Variants in EXOC4 observed in about 807,000 individuals in gnomAD.
EXOC4 encodes the protein exocyst complex component 4, also known as SEC8-like 1.
In EXOC4, 71 loss-of-function variants were observed where a neutral mutation model predicts 107.2. The observed-to-expected ratio is 0.66, with a 90% CI of 0.55 to 0.81. The LOEUF (loss-of-function observed/expected upper bound fraction) is 0.81, where lower values mean the gene tolerates loss of function less well. EXOC4 is among the 30% of genes least tolerant of loss of function. The pLI is 0.00. For missense variants in EXOC4, 1,108 were observed against 1,189.6 expected (o/e 0.93, Z 1.01); for synonymous variants, 456 against 441.2 (o/e 1.03, Z -0.42).
intron 11 of EXOC4, among the ~76,000 whole-genome samples, chr7:133,870,827 G>A (rs2113340): frequency 0.012 from 1,841 of 152,226 alleles, 47 homozygotes; most frequent in African/African-American, 0.042. Context: ...GTGGGTATTC[G>A]GTTTTTCATA....
intron 11 of EXOC4, among the ~76,000 whole-genome samples, chr7:133,822,393 C>T (rs552376449): frequency 3.3e-5 from 5 of 152,122 alleles, no homozygotes; most frequent in African/African-American, 7.2e-5. Flanking sequence ...AAAAAAAGAG[C>T]GAGGGGACTA....
intron 17 of EXOC4, among the ~76,000 whole-genome samples, chr7:134,057,901 A>G (rs1202721142): frequency 6.6e-6 from 1 of 152,232 alleles, no homozygotes; most frequent in African/African-American, 2.4e-5. Context: ...CCAAGGTCAC[A>G]TGGCTAGTTA....
Position 133,921,484 on chromosome 7 carries a change from C to T in EXOC4, c.2027+3746C>T, listed in dbSNP as rs6951598. On this transcript the variant is annotated intron_variant, in intron 13 of 17. Transcript: ENST00000253861. Reference sequence around the variant, plus strand: ...ATCACAACTGAGGATTGTTTTTTTTCTCTTTTAACAACTAAATATTTTACT... The same window carrying T: ...ATCACAACTGAGGATTGTTTTTTTTTTCTTTTAACAACTAAATATTTTACT... Among the ~76,000 whole-genome samples, 364 of 152,110 alleles carry T rather than the reference C, an allele frequency of 2.4e-3. 5 individuals are homozygous for T. The highest frequency in any genetic ancestry group is 8.2e-3 in the African/African-American group (341 of 41,516).
intron 16 of EXOC4, among the ~76,000 whole-genome samples, chr7:134,006,594 G>A (rs1434965344): frequency 6.6e-6 from 1 of 151,938 alleles, no homozygotes; most frequent in African/African-American, 2.4e-5. Flanking sequence ...GAAGACATGG[G>A]GAGCCATGGA....
At chr7:133,599,469 C>A (rs781168575) in intron 9 of EXOC4, among the ~76,000 whole-genome samples, 7 of 152,204 alleles carry the variant, frequency 4.6e-5, no homozygotes, top group Admixed American at 2.0e-4. Context: ...CTTAACCCTG[C>A]CTCTGCCAGA....
intron 10 of EXOC4, among the ~76,000 whole-genome samples, chr7:133,805,758 G>A (rs536568459): frequency 3.3e-5 from 5 of 152,302 alleles, no homozygotes; most frequent in Admixed American, 1.3e-4. Flanking sequence ...CATGTTTTAT[G>A]AAACTGCAAG....
chr7:133,613,593 T>A (rs1187708211), intron 9 of EXOC4, among the ~76,000 whole-genome samples: 1 of 151,122 alleles, frequency 6.6e-6, no homozygotes, highest in Non-Finnish European at 1.5e-5. Flanking sequence ...CAGGGGAAAG[T>A]CATGACATTA....
chr7:134,081,062 G>A, the EXOC4 span, among the ~76,000 whole-genome samples: 1 of 152,062 alleles, frequency 6.6e-6, no homozygotes, highest in Non-Finnish European at 1.5e-5. Context: ...AGCAACCCTG[G>A]CCAGGCATGG....
chr7:134,008,623 T>C (rs1585318190), intron 17 of EXOC4, among the ~76,000 whole-genome samples: 1 of 152,214 alleles, frequency 6.6e-6, no homozygotes, highest in East Asian at 1.9e-4. Flanking sequence ...CACTATCCTT[T>C]CTCTTCTCTA....
At chr7:133,961,955 C>T (rs1041946368) in intron 14 of EXOC4, among the ~76,000 whole-genome samples, 10 of 152,128 alleles carry the variant, frequency 6.6e-5, no homozygotes, top group Admixed American at 1.3e-4. Flanking sequence ...AGGTGGTGGC[C>T]GCCCTCATTT....
intron 9 of EXOC4, among the ~76,000 whole-genome samples, chr7:133,588,602 T>A (rs949366313): frequency 2.6e-5 from 4 of 152,078 alleles, no homozygotes; most frequent in African/African-American, 7.2e-5. Flanking sequence ...AACTAATAAT[T>A]AAATATATGG....
chr7:134,030,965 A>G (rs1238594900), intron 17 of EXOC4, among the ~76,000 whole-genome samples: 1 of 152,046 alleles, frequency 6.6e-6, no homozygotes, highest in Non-Finnish European at 1.5e-5. Flanking sequence ...ACAACATACA[A>G]CACGGGTAAA....
intron 7 of EXOC4, among the ~76,000 whole-genome samples, chr7:133,413,111 C>A (rs2150748496): frequency 6.6e-6 from 1 of 152,248 alleles, no homozygotes; most frequent in South Asian, 2.1e-4. Flanking sequence ...GTTCAGATTT[C>A]TCAGTTCTGG....
rs34608222 is a variant in EXOC4 at position 133,997,532 on chromosome 7, C to T, written c.2247C>T (p.Leu749=). ...PAQDSHTNTD[L]PPVSEQIMQT... Reference sequence around the variant, plus strand: ...AAGACAGCCACACGAACACGGATCTCCCCCCAGTGTCAGAGCAGATCATGC... The same window carrying T: ...AAGACAGCCACACGAACACGGATCTTCCCCCAGTGTCAGAGCAGATCATGC... Residue 749 remains leucine, a synonymous_variant, in exon 15 of 18, where the codon CTC becomes CTT. Coordinates refer to ENST00000253861, the MANE Select transcript of EXOC4 (RefSeq NM_021807.4). 3,846 of 1,613,542 alleles carry T rather than the reference C, an allele frequency of 2.4e-3. 101 individuals carry two copies. The African/African-American group carries it at 0.045, about 19-fold the overall frequency.
chr7:133,418,423 C>T (rs1488575979), intron 7 of EXOC4, among the ~76,000 whole-genome samples: 2 of 152,130 alleles, frequency 1.3e-5, no homozygotes, highest in Non-Finnish European at 2.9e-5. Context: ...TCACATTGTA[C>T]TGCTAAGATA....
chr7:133,798,356 A>T (rs1796858582), intron 10 of EXOC4, among the ~76,000 whole-genome samples: 1 of 148,010 alleles, frequency 6.8e-6, no homozygotes, highest in African/African-American at 2.5e-5. Flanking sequence ...GGGAATTCCC[A>T]CTTAAAGAGA....
At chr7:133,924,460 A>G (rs1800007632) in intron 13 of EXOC4, among the ~76,000 whole-genome samples, 1 of 152,224 alleles carries the variant, frequency 6.6e-6, no homozygotes, top group Non-Finnish European at 1.5e-5. Flanking sequence ...ACTGATCCAA[A>G]GAAATGAATT....
downstream of EXOC4, among the ~76,000 whole-genome samples, chr7:134,069,850 A>G (rs1796248397): frequency 6.6e-6 from 1 of 152,108 alleles, no homozygotes; most frequent in Non-Finnish European, 1.5e-5. Context: ...TGAATTCAGG[A>G]TTCTTACTTT....
At chr7:133,840,041 A>G (rs1585189522) in intron 11 of EXOC4, among the ~76,000 whole-genome samples, 1 of 152,364 alleles carries the variant, frequency 6.6e-6, no homozygotes, top group East Asian at 1.9e-4. Flanking sequence ...TTCTACCTTG[A>G]AGGTCATTTT....
Sources: allele counts gnomAD v4.1 joint callset (sites outside exome capture counted in the v4.1 genomes callset), GRCh38; gene constraint gnomAD v4.1.1; transcripts MANE v1.5; gene names NCBI Gene and HGNC (gene_info 2026-07-23, HGNC 2026-07-21).